The following C6 variants were observed in gnomAD, a reference collection of about 807,000 sequenced individuals.
C6 encodes complement C6, also known as complement component C6.
C6 carries 101 observed loss-of-function variants against 112.9 expected under a neutral mutation model. The ratio of observed to expected loss-of-function variants is 0.89; its 90% CI spans 0.76 to 1.06. The LOEUF (loss-of-function observed/expected upper bound fraction) is 1.06, where lower values mean the gene tolerates loss of function less well. C6 is among the 50% of genes least tolerant of loss of function. The pLI, the probability that C6 is intolerant of heterozygous loss-of-function variation, is 0.00. For missense variants in C6, 1,202 were observed against 1,104.6 expected (o/e 1.09, Z -1.25); for synonymous variants, 431 against 384.1 (o/e 1.12, Z -1.43).
At chr5:41,182,318 G>A (rs16870948) in intron 6 of C6, among the ~76,000 whole-genome samples, 3,325 of 151,520 alleles carry the variant, frequency 0.022, 125 homozygotes, top group African/African-American at 0.076. Context: ...GTCAAAGCAG[G>A]ATCCCTTAAG....
In C6 at chr5:41,147,756, G is replaced by A. The variant is rs141164012; in HGVS notation, c.2623+1485C>T. Among the ~76,000 whole-genome samples, 591 of 152,224 alleles carry A rather than the reference G, an allele frequency of 3.9e-3. 2 individuals are homozygous for A. Among genetic ancestry groups the A allele is most frequent in the Non-Finnish European group, 6.1e-3 (417 of 68,006 alleles). On this transcript the variant is annotated intron_variant, in intron 17 of 17. Coordinates refer to ENST00000337836, the MANE Select transcript of C6 (RefSeq NM_000065.5). ...TGGGTTCTGTTGTAATCTCCAATCC[G>A]TCTTTTGAAAAAGAAATAAAGCTTA... is the stretch of plus-strand genomic sequence containing the variant.
intron 5 of C6, among the ~76,000 whole-genome samples, chr5:41,194,739 A>G (rs1000895490): frequency 1.3e-5 from 2 of 152,114 alleles, no homozygotes; most frequent in Non-Finnish European, 2.9e-5. Flanking sequence ...CTTATGTTTC[A>G]AATTAAGGCT....
chr5:41,194,687 T>G (rs890778935), intron 5 of C6, among the ~76,000 whole-genome samples: 1 of 152,028 alleles, frequency 6.6e-6, no homozygotes, highest in Non-Finnish European at 1.5e-5. Flanking sequence ...TTCTTTATTA[T>G]GTAAAGGGGA....
chr5:41,224,974 CCTT>C (rs1739399080), intron 1 of C6, among the ~76,000 whole-genome samples: 1 of 152,080 alleles, frequency 6.6e-6, no homozygotes, highest in Admixed American at 6.6e-5. Context: ...ATTTGCGTAT[CCTT>C]GATGGCTAAT....
intron 1 of C6, among the ~76,000 whole-genome samples, chr5:41,224,508 C>G (rs2962284): frequency 0.7 from 106,730 of 152,008 alleles, 37,553 homozygotes; most frequent in African/African-American, 0.73. Context: ...TATAATACGT[C>G]GTCTTTTGAG....
intron 5 of C6, among the ~76,000 whole-genome samples, chr5:41,188,171 G>T (rs996320350): frequency 2.6e-4 from 39 of 152,034 alleles, no homozygotes; most frequent in African/African-American, 9.2e-4. Flanking sequence ...TTAGTGGATT[G>T]GCAGAATTTG....
At chr5:41,220,999 A>ATGTT (rs1350893634) in intron 1 of C6, among the ~76,000 whole-genome samples, 3 of 150,810 alleles carry the variant, frequency 2.0e-5, no homozygotes, top group African/African-American at 7.3e-5. Context: ...TTTCATTAAA[A>ATGTT]TGTTATCTTT....
intron 1 of C6, among the ~76,000 whole-genome samples, chr5:41,212,028 C>T (rs927518620): frequency 6.6e-6 from 1 of 151,872 alleles, no homozygotes; most frequent in East Asian, 1.9e-4. Context: ...CAATATGGAG[C>T]CTGATATAAA....
Position 41,225,890 on chromosome 5 carries a change from A to G in C6, c.-20-22640T>C, listed in dbSNP as rs537025065. On this transcript the variant is annotated intron_variant, in intron 1 of 17. Coordinates refer to the C6 transcript ENST00000263413. ...TTAATAAATGGTGCTGGGAAAACTG[A>G]CTAGCCATATGTAGAAAGCTGAAAG... Among the ~76,000 whole-genome samples, 745 of 152,246 alleles carry G rather than the reference A, an allele frequency of 4.9e-3. 6 individuals are homozygous for G. The highest frequency in any genetic ancestry group is 0.016 in the African/African-American group (653 of 41,548).
At chr5:41,250,343 A>G (rs928549014) in intron 1 of C6, among the ~76,000 whole-genome samples, 1 of 152,180 alleles carries the variant, frequency 6.6e-6, no homozygotes, top group Non-Finnish European at 1.5e-5. Flanking sequence ...CATGAGTTAG[A>G]TGATTTCTAA....
rs143443464 is a variant in C6 at position 41,200,891 on chromosome 5, G to GTTTTTTTTTTTTTTTTTTTTTTTTTT, written c.300+641_300+666dup. On this transcript the variant is annotated intron_variant, in intron 3 of 17. Transcript: ENST00000337836. ...TGTTTTTGTTGTTGTTGTTGTTGTT[G>GTTTTTTTTTTTTTTTTTTTTTTTTTT]TTTTTTTTTTTTTTTTTTTTTTTTT... 4.2e-5 allele frequency among the ~76,000 whole-genome samples: 3 copies of GTTTTTTTTTTTTTTTTTTTTTTTTTT among 70,654 alleles called. 1 individual carries two copies. Among genetic ancestry groups the GTTTTTTTTTTTTTTTTTTTTTTTTTT allele is most frequent in the Non-Finnish European group, 7.3e-5 (3 of 40,870 alleles). 46.4% of individuals were successfully genotyped at this position (70,654 alleles called of 152,430 possible).
At chr5:41,238,794 T>A (rs1471246541) in intron 1 of C6, among the ~76,000 whole-genome samples, 1 of 152,200 alleles carries the variant, frequency 6.6e-6, no homozygotes. Context: ...ATTTTGTTAG[T>A]AAAAATTGGT....
At chr5:41,150,337 C>T (rs764956548) in intron 15 of C6, among the ~76,000 whole-genome samples, 20 of 152,198 alleles carry the variant, frequency 1.3e-4, no homozygotes, top group Admixed American at 2.0e-4. Flanking sequence ...TCTCATCACT[C>T]TGTAAGGTTC....
At chr5:41,248,518 G>C (rs1741154519) in intron 1 of C6, among the ~76,000 whole-genome samples, 1 of 152,166 alleles carries the variant, frequency 6.6e-6, no homozygotes, top group Admixed American at 6.5e-5. Flanking sequence ...GCAAAAACAT[G>C]AACAGACATT....
At chr5:41,260,255 A>T (rs192099584) in intron 1 of C6, among the ~76,000 whole-genome samples, 20 of 151,790 alleles carry the variant, frequency 1.3e-4, no homozygotes, top group African/African-American at 4.6e-4. Flanking sequence ...ACTTGAACAC[A>T]CACACAAACA....
In C6 at chr5:41,153,814, T is replaced by C; in HGVS notation, c.2286A>G (p.Glu762=). Residue 762 remains glutamate, a synonymous_variant, in exon 15 of 18, where the codon GAA becomes GAG. Transcript: ENST00000337836. ...GAACACTGAGCTGCTACTCACCTTTTTCACAGGTGAGAGAGTTTGAAATGG... is the reference window on the plus strand; with the variant it reads ...GAACACTGAGCTGCTACTCACCTTTCTCACAGGTGAGAGAGTTTGAAATGG... The part of the protein sequence containing the change: ...TPPISNSLTC[E]KDTLTKLKGH... 6.2e-7 allele frequency: 1 copy of C among 1,610,644 alleles called. No individual in the cohort carries two copies. The highest frequency in any genetic ancestry group is 8.5e-7 in the Non-Finnish European group (1 of 1,177,698).
chr5:41,247,219 G>C (rs1011912794), intron 1 of C6, among the ~76,000 whole-genome samples: 2 of 151,932 alleles, frequency 1.3e-5, no homozygotes, highest in African/African-American at 4.8e-5. Context: ...TAAATAAAAG[G>C]CATCCAAATA....
chr5:41,203,123 T>C lies in C6; in HGVS notation c.108A>G (p.Ser36=). The change falls in exon 2 of 18, where the codon TCA becomes TCG. Residue 36 remains serine (S), a synonymous_variant. Transcript: ENST00000337836. ...TCTGGGTTCCAGAATTGCAAGTTTT[T>C]GAGCAGCTGGTCCACTGAGTCCATG... is the stretch of plus-strand genomic sequence containing the variant. ...HYAWTQWTSC[S]KTCNSGTQSR... is the part of the protein sequence containing the mutation. 6.2e-7 allele frequency: 1 copy of C among 1,614,132 alleles called. No individual in the cohort carries two copies. The highest frequency in any genetic ancestry group is 8.5e-7 in the Non-Finnish European group (1 of 1,179,972).
chr5:41,172,782 C>T (rs1379070887), intron 8 of C6: 1 of 191,036 alleles, frequency 5.2e-6, no homozygotes, highest in Non-Finnish European at 1.1e-5. Context: ...ACTCCAAGAC[C>T]TACTTTCCGG....
Sources: allele counts gnomAD v4.1 joint callset (sites outside exome capture counted in the v4.1 genomes callset), GRCh38; gene constraint gnomAD v4.1.1; transcripts MANE v1.5; gene names NCBI Gene and HGNC (gene_info 2026-07-23, HGNC 2026-07-21).